NRXN1: variants seen among roughly 807,000 people sequenced by gnomAD.
NRXN1 encodes the protein neurexin 1, also known as neurexin-1.
A neutral mutation model predicts 150.9 loss-of-function variants in NRXN1; 39 were observed. The ratio of observed to expected loss-of-function variants is 0.26; its 90% CI spans 0.20 to 0.34. NRXN1 has a LOEUF of 0.34. Among genes scored for constraint, NRXN1 ranks in the 10% least tolerant of loss-of-function variants. The pLI, the probability that NRXN1 is intolerant of heterozygous loss-of-function variation, is 1.00. For missense variants in NRXN1, 1,815 were observed against 1,949.9 expected (o/e 0.93, Z 1.30); for synonymous variants, 924 against 757.0 (o/e 1.22, Z -3.62).
chr2:50,204,252 T>G (rs564935196), intron 18 of NRXN1, among the ~76,000 whole-genome samples: 1 of 151,976 alleles, frequency 6.6e-6, no homozygotes, highest in Admixed American at 6.6e-5. Context: ...TGGTTTTGAG[T>G]GATGGTACTG....
At chr2:50,680,828 T>C (rs1221356157) in intron 5 of NRXN1, among the ~76,000 whole-genome samples, 1 of 151,982 alleles carries the variant, frequency 6.6e-6, no homozygotes, top group Non-Finnish European at 1.5e-5. Context: ...GGTTATGCTA[T>C]TCAATTCTCA....
chr2:50,515,019 G>A lies in NRXN1; in HGVS notation c.2375-8402C>T, dbSNP rs556557797. Reference sequence around the variant, plus strand: ...CCAGGCCACAGACAGGTACCAGCCTGTTAGGAAGCATGCCGCACAGCAGGA... The same window carrying A: ...CCAGGCCACAGACAGGTACCAGCCTATTAGGAAGCATGCCGCACAGCAGGA... On this transcript the variant is annotated intron_variant, in intron 12 of 22. Coordinates refer to ENST00000401669, the MANE Select transcript of NRXN1 (RefSeq NM_001330078.2). Among the ~76,000 whole-genome samples, 206 of 152,302 alleles carry A rather than the reference G, an allele frequency of 1.4e-3. 1 individual carries two copies. The highest frequency in any genetic ancestry group is 3.4e-3 in the Middle Eastern group (1 of 294).
intron 18 of NRXN1, among the ~76,000 whole-genome samples, chr2:50,207,963 C>T (rs933376006): frequency 6.6e-6 from 1 of 152,058 alleles, no homozygotes; most frequent in Non-Finnish European, 1.5e-5. Context: ...TTCTTCTAGG[C>T]CCAGCCTCTT....
chr2:49,942,278 G>C (rs1325375172), intron 22 of NRXN1, among the ~76,000 whole-genome samples: 1 of 152,100 alleles, frequency 6.6e-6, no homozygotes, highest in Non-Finnish European at 1.5e-5. Flanking sequence ...CCCACGCCCT[G>C]TCCTGTTGCG....
intron 17 of NRXN1, among the ~76,000 whole-genome samples, chr2:50,276,353 G>C (rs1168952122): frequency 6.6e-6 from 1 of 152,102 alleles, no homozygotes; most frequent in Non-Finnish European, 1.5e-5. Flanking sequence ...CATGATACAA[G>C]TATGTTTATA....
Position 50,531,341 on chromosome 2 carries a change from G to A in NRXN1, c.2233C>T (p.Arg745Trp), listed in dbSNP as rs750613816. 8 of 1,613,224 alleles carry A rather than the reference G, an allele frequency of 5.0e-6. No individual in the cohort carries two copies. The highest frequency in any genetic ancestry group is 1.7e-4 in the Middle Eastern group (1 of 6,060). ...MHTEAEDVSL[R>W]FRSQRAYGIL... ...CCATATGCACGCTGGGATCGGAACC[G>A]TAAGGAAACATCCTCAGCCTCCGTA... The change falls in exon 11 of 23, where the codon CGG becomes TGG. Residue 745 changes from arginine (R) to tryptophan (W), a missense_variant. Physicochemically the swap from Arg to Trp is moderately radical, Grantham distance 101. This residue lies in a region of NRXN1 where 638 missense variants were observed against 652.6 expected (regional missense o/e 0.98). Transcript: ENST00000401669.
intron 17 of NRXN1, among the ~76,000 whole-genome samples, chr2:50,372,287 G>GT (rs890681280): frequency 6.6e-6 from 1 of 152,064 alleles, no homozygotes; most frequent in Non-Finnish European, 1.5e-5. Context: ...TCTGGTGGAT[G>GT]TGTTCTCTCT....
At chr2:50,760,204 A>C (rs1246491008) in intron 5 of NRXN1, among the ~76,000 whole-genome samples, 1 of 151,894 alleles carries the variant, frequency 6.6e-6, no homozygotes, top group Non-Finnish European at 1.5e-5. Flanking sequence ...TGGAAAACGG[A>C]TCTGTCCCTT....
rs995927647 is a variant in NRXN1, at chr2:50,854,710, C to T, written c.832+67159G>A. On this transcript the variant is annotated intron_variant, in intron 5 of 22. Coordinates refer to ENST00000401669, the MANE Select transcript of NRXN1 (RefSeq NM_001330078.2). The stretch of plus-strand genomic sequence containing the variant: ...ACTTGACAGCCATTCTTTCTGACAA[C>T]GTTAAGCGGTTTCAGTAAGTGGTAT... Among the ~76,000 whole-genome samples the T allele has an allele frequency of 7.2e-5, 11 of 152,046 alleles. No homozygotes were observed. In the East Asian group the frequency reaches 1.3e-3, roughly 19 times the overall value.
In NRXN1 at chr2:50,596,218, C is replaced by T. The variant is rs115844209; in HGVS notation, c.1320+23804G>A. Among the ~76,000 whole-genome samples the T allele has an allele frequency of 5.7e-3, 871 of 152,280 alleles. 5 individuals are homozygous for T. Among genetic ancestry groups the T allele is most frequent in the Non-Finnish European group, 7.4e-3 (505 of 68,022 alleles). Reference sequence around the variant, plus strand: ...TCTCTTCTTCACCCACTCTTCATAACCTCTTACAATCTGAGTTCTTTGGAT... The same window carrying T: ...TCTCTTCTTCACCCACTCTTCATAATCTCTTACAATCTGAGTTCTTTGGAT... On this transcript the variant is annotated intron_variant, in intron 8 of 22. Coordinates refer to ENST00000401669, the MANE Select transcript of NRXN1 (RefSeq NM_001330078.2).
chr2:50,483,697 C>T (rs929396817), intron 15 of NRXN1, among the ~76,000 whole-genome samples: 3 of 152,164 alleles, frequency 2.0e-5, no homozygotes, highest in Admixed American at 6.5e-5. Context: ...AGCACTTCAG[C>T]GTTTGACTCC....
intron 18 of NRXN1, among the ~76,000 whole-genome samples, chr2:50,128,763 G>A (rs1054931513): frequency 3.9e-5 from 6 of 151,904 alleles, no homozygotes; most frequent in African/African-American, 7.3e-5. Flanking sequence ...GGGGTGGATC[G>A]CCTGAGATCA....
At chr2:50,261,979 C>T (rs1430302129) in intron 17 of NRXN1, among the ~76,000 whole-genome samples, 1 of 151,848 alleles carries the variant, frequency 6.6e-6, no homozygotes, top group Non-Finnish European at 1.5e-5. Flanking sequence ...TTTATATGGG[C>T]ATCTCCAGCT....
intron 5 of NRXN1, among the ~76,000 whole-genome samples, chr2:50,804,707 G>A (rs917279234): frequency 1.3e-5 from 2 of 151,830 alleles, no homozygotes; most frequent in African/African-American, 4.8e-5. Context: ...CTTTCTTTTT[G>A]CTGATTTCCT....
chr2:49,968,103 G>A (rs1325842211), intron 21 of NRXN1, among the ~76,000 whole-genome samples: 9 of 148,792 alleles, frequency 6.0e-5, no homozygotes, highest in Non-Finnish European at 1.3e-4. Flanking sequence ...TTACTGCCCA[G>A]ACCCACTCAC....
intron 17 of NRXN1, among the ~76,000 whole-genome samples, chr2:50,329,040 A>C (rs2076573351): frequency 6.6e-6 from 1 of 152,212 alleles, no homozygotes; most frequent in Admixed American, 6.5e-5. Context: ...AAAAGAAGTT[A>C]ACAATAGAGA....
chr2:50,029,414 C>G (rs1688857710), intron 21 of NRXN1, among the ~76,000 whole-genome samples: 1 of 152,136 alleles, frequency 6.6e-6, no homozygotes, highest in African/African-American at 2.4e-5. Flanking sequence ...CCCTAACTCC[C>G]AGTGAGTTTG....
chr2:50,407,280 T>C (rs2082814996), intron 17 of NRXN1, among the ~76,000 whole-genome samples: 1 of 152,158 alleles, frequency 6.6e-6, no homozygotes, highest in South Asian at 2.1e-4. Context: ...TTTTAAAGGT[T>C]TTATAAACTA....
intron 19 of NRXN1, among the ~76,000 whole-genome samples, chr2:50,084,274 C>A (rs555760641): frequency 1.8e-4 from 28 of 152,192 alleles, no homozygotes; most frequent in Non-Finnish European, 3.7e-4. Context: ...GAGCAGGGGG[C>A]CGCACAGGAG....
Sources: gnomAD v4.1 joint callset for allele counts (sites outside exome capture counted in the v4.1 genomes callset) on GRCh38, gnomAD v4.1.1 for gene constraint, gnomAD v4.1.1 regional missense constraint, MANE v1.5 for transcripts, NCBI Gene and HGNC (gene_info 2026-07-23, HGNC 2026-07-21) for gene names.